The following ATRNL1 variants were observed in gnomAD, a reference collection of about 807,000 sequenced individuals.
The protein encoded by ATRNL1 is attractin-like protein 1.
In ATRNL1, 95 loss-of-function variants were observed where a neutral mutation model predicts 182.7. The observed-to-expected ratio is 0.52, with a 90% confidence interval of 0.44 to 0.62. The LOEUF (loss-of-function observed/expected upper bound fraction) is 0.62, where lower values mean the gene tolerates loss of function less well. Among genes scored for constraint, ATRNL1 ranks in the 20% least tolerant of loss-of-function variants. The pLI is 0.00. For synonymous variants in ATRNL1, 576 were observed against 568.3 expected (o/e 1.01, Z -0.19); for missense variants, 1,471 against 1,679.5 (o/e 0.88, Z 2.17).
At position 115,156,749 on chromosome 10, in the gene ATRNL1, A is replaced by G. The variant is rs143096603; in HGVS notation, c.830-3291A>G. On this transcript the variant is annotated intron_variant, in intron 5 of 28. Transcript: ENST00000355044. ...AGATATACTACCTTGAGAAATTGTC[A>G]TACTGATTGAGAAAAGTAATGCAGA... Among the ~76,000 whole-genome samples the G allele has an allele frequency of 1.6e-4, 24 of 152,298 alleles. No homozygotes were observed. The East Asian group carries it at 4.2e-3, about 27-fold the overall frequency.
At chr10:115,361,288 C>G (rs1349492688) in intron 19 of ATRNL1, among the ~76,000 whole-genome samples, 1 of 151,918 alleles carries the variant, frequency 6.6e-6, no homozygotes, top group African/African-American at 2.4e-5. Flanking sequence ...TTGCTTTTCT[C>G]TCTTTTGTCT....
chr10:115,909,664 G>A (rs1439608821), intron 28 of ATRNL1: 1 of 149,508 alleles, frequency 6.7e-6, no homozygotes, highest in Non-Finnish European at 1.5e-5. Flanking sequence ...GAGGTGGGAG[G>A]ACAAATGCCA....
intron 27 of ATRNL1, among the ~76,000 whole-genome samples, chr10:115,785,792 A>G (rs1949382663): frequency 6.6e-6 from 1 of 152,190 alleles, no homozygotes. Context: ...GCATTTTACC[A>G]TAAGCAGTAA....
At chr10:115,821,632 T>G (rs1555090383) in intron 27 of ATRNL1, among the ~76,000 whole-genome samples, 1 of 152,098 alleles carries the variant, frequency 6.6e-6, no homozygotes, top group African/African-American at 2.4e-5. Flanking sequence ...AGGGTTGCAA[T>G]CCTAGCCTCT....
At chr10:115,851,373 T>C (rs1414966406) in intron 28 of ATRNL1, among the ~76,000 whole-genome samples, 1 of 152,084 alleles carries the variant, frequency 6.6e-6, no homozygotes, top group African/African-American at 2.4e-5. Flanking sequence ...TTTTTTTTAA[T>C]TTAAAAAATA....
At chr10:115,460,424 A>AG (rs1395566408) in intron 21 of ATRNL1, among the ~76,000 whole-genome samples, 1 of 152,078 alleles carries the variant, frequency 6.6e-6, no homozygotes, top group Non-Finnish European at 1.5e-5. Flanking sequence ...AAAAAAAAAA[A>AG]TAAAACTTTG....
At chr10:115,580,683 C>G (rs2133884794) in intron 26 of ATRNL1, among the ~76,000 whole-genome samples, 1 of 114,092 alleles carries the variant, frequency 8.8e-6, no homozygotes, top group East Asian at 6.3e-4. Context: ...TCTTTTTGTC[C>G]CTTTTTCTTT....
chr10:115,591,552 T>C (rs1337755347), intron 26 of ATRNL1, among the ~76,000 whole-genome samples: 1 of 152,246 alleles, frequency 6.6e-6, no homozygotes, highest in African/African-American at 2.4e-5. Flanking sequence ...ACTTATTTGA[T>C]ATTCAATCAT....
chr10:115,290,235 A>G (rs1852829789), intron 15 of ATRNL1, among the ~76,000 whole-genome samples: 1 of 152,176 alleles, frequency 6.6e-6, no homozygotes, highest in South Asian at 2.1e-4. Context: ...ACTTTGCTGA[A>G]TTAGTTTATC....
intron 8 of ATRNL1, among the ~76,000 whole-genome samples, chr10:115,211,458 T>C (rs782642482): frequency 2.6e-5 from 4 of 152,060 alleles, no homozygotes; most frequent in Non-Finnish European, 5.9e-5. Flanking sequence ...CTGGCTGCTT[T>C]CAAGGTTTTT....
At position 115,243,468 on chromosome 10, in the gene ATRNL1, A is replaced by G. The variant is rs150239346; in HGVS notation, c.1687+1743A>G. Among the ~76,000 whole-genome samples, 1,074 of 152,178 alleles carry G rather than the reference A, an allele frequency of 7.1e-3. 11 individuals are homozygous for G. Among genetic ancestry groups the G allele is most frequent in the African/African-American group, 0.025 (1,034 of 41,538 alleles). On this transcript the variant is annotated intron_variant, in intron 10 of 28. Transcript: ENST00000355044. ...CAAAATCTTTAACCTACCTTGTAGC[A>G]TGGTACTATTATCCTAATATTCAGA...
chr10:115,127,620 C>T lies in ATRNL1; in HGVS notation c.519C>T (p.Gly173=). 6.2e-7 allele frequency: 1 copy of T among 1,608,766 alleles called. No individual in the cohort carries two copies. The highest frequency in any genetic ancestry group is 8.5e-7 in the Non-Finnish European group (1 of 1,177,510). ...GTTTGATAGTCCCTGAAATAAGGGG[C>T]AATGAAACTGTGCCTGAAGTTGTTA... is the stretch of plus-strand genomic sequence containing the variant. The part of the protein sequence containing the change: ...LSGLIVPEIR[G]NETVPEVVTT... The change falls in exon 4 of 29, where the codon GGC becomes GGT. Residue 173 remains glycine, a synonymous_variant. Coordinates refer to ENST00000355044, the MANE Select transcript of ATRNL1 (RefSeq NM_207303.4).
intron 26 of ATRNL1, among the ~76,000 whole-genome samples, chr10:115,626,143 AAC>A (rs1300138801): frequency 1.1e-4 from 16 of 152,336 alleles, no homozygotes; most frequent in Admixed American, 7.8e-4. Context: ...TCATTTTTAT[AAC>A]ACACACACTC....
chr10:115,129,521 A>G lies in ATRNL1; in HGVS notation c.815A>G (p.Asn272Ser), dbSNP rs372706326. 1.5e-5 allele frequency: 25 copies of G among 1,613,954 alleles called. No individual in the cohort carries two copies. Among genetic ancestry groups the G allele is most frequent in the African/African-American group, 6.7e-5 (5 of 74,924 alleles). ...ACTGGAGAAAAATTATGTGTCTGCAATGATAGTTGGCAAGGTAAGCATGTG... is the reference window on the plus strand; with the variant it reads ...ACTGGAGAAAAATTATGTGTCTGCAGTGATAGTTGGCAAGGTAAGCATGTG... ...DLTGEKLCVCNDSWQGPDCSL... is the reference protein window; with the variant it reads ...DLTGEKLCVCSDSWQGPDCSL... Residue 272 changes from asparagine (N) to serine (S), a missense_variant, in exon 5 of 29, where the codon AAT becomes AGT. Asn to Ser is a conservative substitution (Grantham distance 46). Coordinates refer to ENST00000355044, the MANE Select transcript of ATRNL1 (RefSeq NM_207303.4).
intron 24 of ATRNL1, among the ~76,000 whole-genome samples, chr10:115,484,692 A>G (rs1280729829): frequency 6.6e-6 from 1 of 151,828 alleles, no homozygotes; most frequent in African/African-American, 2.4e-5. Flanking sequence ...TGAATATATA[A>G]TATGTGAATT....
At chr10:115,111,477 G>A (rs557882530) in intron 1 of ATRNL1, among the ~76,000 whole-genome samples, 29 of 152,164 alleles carry the variant, frequency 1.9e-4, no homozygotes, top group Non-Finnish European at 3.1e-4. Flanking sequence ...CTCAGGCTGC[G>A]TCTACTCATG....
At chr10:115,367,495 A>G (rs1305845690) in intron 19 of ATRNL1, among the ~76,000 whole-genome samples, 9 of 150,932 alleles carry the variant, frequency 6.0e-5, no homozygotes, top group South Asian at 4.2e-4. Flanking sequence ...TAATTTGATC[A>G]TCTGAAGCCT....
intron 28 of ATRNL1, among the ~76,000 whole-genome samples, chr10:115,943,284 C>T (rs147343295): frequency 1.6e-3 from 245 of 152,302 alleles, no homozygotes; most frequent in African/African-American, 5.6e-3. Flanking sequence ...TGATAAAGAA[C>T]TGATATCCAA....
chr10:115,814,469 C>G (rs1374901979), intron 27 of ATRNL1, among the ~76,000 whole-genome samples: 1 of 151,830 alleles, frequency 6.6e-6, no homozygotes, highest in East Asian at 1.9e-4. Context: ...CTTTTGAAAG[C>G]AAAAGTTTAA....
Sources: gnomAD v4.1 joint callset for allele counts (sites outside exome capture counted in the v4.1 genomes callset) on GRCh38, gnomAD v4.1.1 for gene constraint, MANE v1.5 for transcripts, NCBI Gene and HGNC (gene_info 2026-07-23, HGNC 2026-07-21) for gene names.